CRACDL: variants seen among roughly 807,000 people sequenced by gnomAD.
CRACDL encodes CRACD like.
CRACDL carries 26 observed loss-of-function variants against 70.6 expected under a neutral mutation model. The observed-to-expected ratio is 0.37, with a 90% CI of 0.27 to 0.51. CRACDL has a LOEUF of 0.51. Ranked by LOEUF, CRACDL falls within the 20% of genes least tolerant of loss-of-function variation. The pLI, the probability that CRACDL is intolerant of heterozygous loss-of-function variation, is 0.94. For synonymous variants in CRACDL, 618 were observed against 615.2 expected (o/e 1.00, Z -0.07); for missense variants, 1,283 against 1,376.9 (o/e 0.93, Z 1.08).
At chr2:98,911,379 T>C (rs1222301804) in intron 1 of CRACDL, among the ~76,000 whole-genome samples, 1 of 152,018 alleles carries the variant, frequency 6.6e-6, no homozygotes, top group Admixed American at 6.6e-5. Context: ...AGGGTCGGAG[T>C]CCACAGCACT....
intron 7 of CRACDL, 33 bp from the exon 8 acceptor site, chr2:98,797,570 G>T (rs776984221): frequency 4.4e-5 from 71 of 1,601,618 alleles, no homozygotes; most frequent in Non-Finnish European, 5.6e-5. Flanking sequence ...TATAGAAACA[G>T]TCCTATTCCC....
At chr2:98,914,843 T>C (rs948010191) in intron 1 of CRACDL, among the ~76,000 whole-genome samples, 3 of 152,206 alleles carry the variant, frequency 2.0e-5, no homozygotes, top group Non-Finnish European at 1.5e-5. Flanking sequence ...CTCTTCCTCC[T>C]GTGCCCGGTT....
chr2:98,874,315 C>T (rs910255913), intron 1 of CRACDL, among the ~76,000 whole-genome samples: 3 of 152,186 alleles, frequency 2.0e-5, no homozygotes, highest in Non-Finnish European at 4.4e-5. Flanking sequence ...TGATCAAAAT[C>T]GAAACAGGAA....
At chr2:98,915,503 G>C (rs1285350071) in intron 1 of CRACDL, among the ~76,000 whole-genome samples, 3 of 152,068 alleles carry the variant, frequency 2.0e-5, no homozygotes, top group African/African-American at 7.2e-5. Context: ...GAGCTGCCTG[G>C]GTCTGTGCTA....
rs61614119 is a variant in CRACDL, at chr2:98,910,521, A to AAAATAAATAAAT, written c.-11+25405_-11+25416dup. Among the ~76,000 whole-genome samples the AAAATAAATAAAT allele has an allele frequency of 3.5e-3, 492 of 140,820 alleles. 1 individual carries two copies. The highest frequency in any genetic ancestry group is 4.0e-3 in the African/African-American group (152 of 37,770). 92.4% of individuals were successfully genotyped at this position (140,820 alleles called of 152,430 possible). On this transcript the variant is annotated intron_variant, in intron 1 of 9. Coordinates refer to ENST00000397899, the MANE Select transcript of CRACDL (RefSeq NM_207362.3). ...GGGCAACACAGCAAGACTCTGTCTCAAAATAAATAAATAAATAAATAAATA... is the reference window on the plus strand; with the variant it reads ...GGGCAACACAGCAAGACTCTGTCTCAAAATAAATAAATAAATAAATAAATAAATAAATAAATA...
At chr2:98,805,922 G>A (rs1704272517) in intron 7 of CRACDL, among the ~76,000 whole-genome samples, 1 of 152,224 alleles carries the variant, frequency 6.6e-6, no homozygotes, top group South Asian at 2.1e-4. Flanking sequence ...ACTCCACATG[G>A]CAGAAAGACA....
At position 98,891,376 on chromosome 2, in the gene CRACDL, C is replaced by CAAAAAAAAAAAAAAAAAAAAAAAAAAA. The variant is rs548988640; in HGVS notation, c.-11+44535_-11+44561dup. On this transcript the variant is annotated intron_variant, in intron 1 of 9. Coordinates refer to ENST00000397899, the MANE Select transcript of CRACDL (RefSeq NM_207362.3). ...TGGGTGACAGAGGGAGACTCCGTCTCAAAAAAAAAAAAAAAAAAAAAAAAA... is the reference window on the plus strand; with the variant it reads ...TGGGTGACAGAGGGAGACTCCGTCTCAAAAAAAAAAAAAAAAAAAAAAAAAAAAAAAAAAAAAAAAAAAAAAAAAAAA... Among the ~76,000 whole-genome samples, 8 of 37,902 alleles carry CAAAAAAAAAAAAAAAAAAAAAAAAAAA rather than the reference C, an allele frequency of 2.1e-4. 1 individual carries two copies. Among genetic ancestry groups the CAAAAAAAAAAAAAAAAAAAAAAAAAAA allele is most frequent in the African/African-American group, 3.2e-4 (3 of 9,234 alleles). The allele number at this position is 37,902 out of a possible 152,430, so 24.9% of individuals were successfully genotyped here. A position where few individuals can be genotyped will look rare whatever the true frequency, so the allele number is the denominator to read the frequency against.
In CRACDL at chr2:98,822,185, C is replaced by T. The variant is rs767243994; in HGVS notation, c.2088G>A (p.Arg696=). ...LRSTSLSLKY[R]DGASQEVKGV... ...CCTTCACCTCCTGAGAGGCGCCATC[C>T]CTGTATTTGAGCGAGAGGGAGGTGG... is the stretch of plus-strand genomic sequence containing the variant. The change falls in exon 7 of 10, where the codon AGG becomes AGA. Residue 696 remains arginine (R), a synonymous_variant. Transcript: ENST00000397899. The surrounding 1 kb of genome is among the most constrained non-coding windows in gnomAD (Gnocchi z 4.9). The T allele has an allele frequency of 1.9e-6, 3 of 1,611,380 alleles. No individual in the cohort carries two copies. The highest frequency in any genetic ancestry group is 3.3e-5 in the Admixed American group (2 of 59,864).
intron 1 of CRACDL, among the ~76,000 whole-genome samples, chr2:98,862,305 G>A (rs1420138196): frequency 6.6e-6 from 1 of 151,970 alleles, no homozygotes; most frequent in East Asian, 1.9e-4. Context: ...AGCAAACCCT[G>A]GGAAAAGGAC....
At chr2:98,916,444 G>A (rs2104685273) in intron 1 of CRACDL, among the ~76,000 whole-genome samples, 1 of 152,276 alleles carries the variant, frequency 6.6e-6, no homozygotes, top group Middle Eastern at 3.4e-3. Context: ...ATATCAAGAT[G>A]TATGAAACTG....
intron 1 of CRACDL, among the ~76,000 whole-genome samples, chr2:98,856,567 G>A (rs141252764): frequency 0.018 from 2,742 of 152,216 alleles, 87 homozygotes; most frequent in African/African-American, 0.062. Context: ...AAAAGACAGT[G>A]TAATTGAATA....
chr2:98,829,429 T>A (rs1705447060), intron 5 of CRACDL, among the ~76,000 whole-genome samples: 1 of 152,204 alleles, frequency 6.6e-6, no homozygotes, highest in Non-Finnish European at 1.5e-5. Flanking sequence ...CTCATCTTCA[T>A]GACCAAGGAG....
Position 98,891,376 on chromosome 2 carries a change from C to CAAAAAAAAAAAAAAAAA in CRACDL, c.-11+44545_-11+44561dup, listed in dbSNP as rs548988640. On this transcript the variant is annotated intron_variant, in intron 1 of 9. Coordinates refer to ENST00000397899, the MANE Select transcript of CRACDL (RefSeq NM_207362.3). Reference sequence around the variant, plus strand: ...TGGGTGACAGAGGGAGACTCCGTCTCAAAAAAAAAAAAAAAAAAAAAAAAA... The same window carrying CAAAAAAAAAAAAAAAAA: ...TGGGTGACAGAGGGAGACTCCGTCTCAAAAAAAAAAAAAAAAAAAAAAAAAAAAAAAAAAAAAAAAAA... Among the ~76,000 whole-genome samples, 178 of 37,888 alleles carry CAAAAAAAAAAAAAAAAA rather than the reference C, an allele frequency of 4.7e-3. 10 individuals are homozygous for CAAAAAAAAAAAAAAAAA. The highest frequency in any genetic ancestry group is 7.2e-3 in the African/African-American group (66 of 9,228). 24.9% of individuals were successfully genotyped at this position (37,888 alleles called of 152,430 possible).
At chr2:98,855,296 A>AT (rs1706652875) in intron 1 of CRACDL, among the ~76,000 whole-genome samples, 1 of 152,150 alleles carries the variant, frequency 6.6e-6, no homozygotes, top group African/African-American at 2.4e-5. Context: ...AAAAAAAAAA[A>AT]AAAAAGTTCT....
chr2:98,888,012 T>C (rs1371985815), intron 1 of CRACDL, among the ~76,000 whole-genome samples: 1 of 152,242 alleles, frequency 6.6e-6, no homozygotes, highest in African/African-American at 2.4e-5. Flanking sequence ...TGTACAACAC[T>C]GTAAATGCAC....
At chr2:98,876,891 A>T (rs1707500568) in intron 1 of CRACDL, among the ~76,000 whole-genome samples, 1 of 152,206 alleles carries the variant, frequency 6.6e-6, no homozygotes, top group Admixed American at 6.5e-5. Context: ...ACAGACTTAA[A>T]TAAATGCATT....
At chr2:98,844,591 C>A (rs960707895) in intron 2 of CRACDL, among the ~76,000 whole-genome samples, 6 of 152,180 alleles carry the variant, frequency 3.9e-5, no homozygotes, top group African/African-American at 1.4e-4. Context: ...TAACAAATTA[C>A]ATCTGCAATA....
intron 1 of CRACDL, among the ~76,000 whole-genome samples, chr2:98,884,474 G>A (rs1707748557): frequency 1.3e-5 from 2 of 152,206 alleles, no homozygotes; most frequent in African/African-American, 4.8e-5. Context: ...CCAGGCAGCA[G>A]GACATCCCTG....
intron 1 of CRACDL, among the ~76,000 whole-genome samples, chr2:98,899,645 A>C (rs755175637): frequency 6.6e-6 from 1 of 152,230 alleles, no homozygotes; most frequent in Non-Finnish European, 1.5e-5. Flanking sequence ...GTGAAAAAAA[A>C]AGGCATCTAT....
Sources: gnomAD v4.1 joint callset for allele counts (sites outside exome capture counted in the v4.1 genomes callset) on GRCh38, gnomAD v4.1.1 for gene constraint, Gnocchi (gnomAD v3.1) non-coding constraint, MANE v1.5 for transcripts, NCBI Gene and HGNC (gene_info 2026-07-23, HGNC 2026-07-21) for gene names.